PPARGC1B: variants seen among roughly 807,000 people sequenced by gnomAD.
PPARGC1B encodes the protein peroxisome proliferator-activated receptor gamma coactivator 1-beta.
In PPARGC1B, 34 loss-of-function variants were observed where a neutral mutation model predicts 101.6. That is an observed-to-expected ratio of 0.33 (90% CI 0.25 to 0.45). The LOEUF (loss-of-function observed/expected upper bound fraction) is 0.45, where lower values mean the gene tolerates loss of function less well. Ranked by LOEUF, PPARGC1B falls within the 20% of genes least tolerant of loss-of-function variation. The probability of loss-of-function intolerance (pLI) is 1.00; values close to 1 mark genes in which losing one functional copy is unlikely to be tolerated. For synonymous variants in PPARGC1B, 548 were observed against 539.3 expected (o/e 1.02, Z -0.22); for missense variants, 1,234 against 1,317.6 (o/e 0.94, Z 0.98).
At chr5:149,773,960 A>G (rs1756250743) in intron 1 of PPARGC1B, among the ~76,000 whole-genome samples, 1 of 152,212 alleles carries the variant, frequency 6.6e-6, no homozygotes, top group South Asian at 2.1e-4. Flanking sequence ...CTCTGTCCCC[A>G]GATGCATGGC....
chr5:149,846,153 C>G, intron 11 of PPARGC1B: 1 of 599,476 alleles, frequency 1.7e-6, no homozygotes, highest in Non-Finnish European at 3.0e-6. Context: ...AATCCAGCCT[C>G]CCACGGCCTC....
chr5:149,846,977 TG>T (rs1759589100), intron 11 of PPARGC1B: 1 of 205,216 alleles, frequency 4.9e-6, no homozygotes, highest in Non-Finnish European at 1.0e-5. Flanking sequence ...CCCAGCAACT[TG>T]GGAGGCTGAG....
chr5:149,746,835 A>G (rs781296392), intron 1 of PPARGC1B, among the ~76,000 whole-genome samples: 3 of 151,928 alleles, frequency 2.0e-5, no homozygotes, highest in Non-Finnish European at 2.9e-5. Flanking sequence ...TGTAGTTTTG[A>G]TTTGCATTTC....
At chr5:149,821,480 C>T (rs568431038) in intron 2 of PPARGC1B, among the ~76,000 whole-genome samples, 60 of 152,148 alleles carry the variant, frequency 3.9e-4, no homozygotes, top group Middle Eastern at 3.4e-3. Context: ...TTGGATTGGC[C>T]GTATTTAGCT....
At chr5:149,825,122 C>G (rs1381050634) in intron 2 of PPARGC1B, among the ~76,000 whole-genome samples, 1 of 152,232 alleles carries the variant, frequency 6.6e-6, no homozygotes. Context: ...AAATGAGGCG[C>G]TCGGTGCCTC....
At chr5:149,743,065 A>T (rs1754965682) in intron 1 of PPARGC1B, among the ~76,000 whole-genome samples, 1 of 152,042 alleles carries the variant, frequency 6.6e-6, no homozygotes, top group Non-Finnish European at 1.5e-5. Context: ...ACTGTGTGCC[A>T]GGTCTGTTCC....
At chr5:149,828,529 TA>T (rs1758617119) in intron 3 of PPARGC1B, among the ~76,000 whole-genome samples, 1 of 152,240 alleles carries the variant, frequency 6.6e-6, no homozygotes, top group South Asian at 2.1e-4. Context: ...CCATTAGTGG[TA>T]ACAAGCATTC....
In PPARGC1B at chr5:149,854,419, A is replaced by C. The variant is rs1260265984; in HGVS notation, c.*6861A>C. 6.6e-6 allele frequency: 1 copy of C among 151,786 alleles called. No individual in the cohort carries two copies. Among genetic ancestry groups the C allele is most frequent in the East Asian group, 1.9e-4 (1 of 5,168 alleles). The allele number at this position is 151,786 out of a possible 1,614,324, so 9.4% of individuals were successfully genotyped here. A position where few individuals can be genotyped will look rare whatever the true frequency, so the allele number is the denominator to read the frequency against. The stretch of plus-strand genomic sequence containing the variant: ...TGTGTGTGTGTGTGGAATTACATTG[A>C]TGCATTTATTGAGAAAGGTGCAAGA... On this transcript the variant is annotated 3_prime_UTR_variant, in exon 12 of 12. Transcript: ENST00000309241.
At chr5:149,732,254 AG>A (rs879506033) in intron 1 of PPARGC1B, among the ~76,000 whole-genome samples, 1 of 152,108 alleles carries the variant, frequency 6.6e-6, no homozygotes, top group Non-Finnish European at 1.5e-5. Flanking sequence ...TGAGTGCGGG[AG>A]GAGGGGCAGA....
chr5:149,830,346 G>A (rs1758729988), intron 3 of PPARGC1B, among the ~76,000 whole-genome samples: 1 of 151,884 alleles, frequency 6.6e-6, no homozygotes. Flanking sequence ...GGGGAAATCA[G>A]CTAGAATCCC....
At chr5:149,779,260 T>A (rs59873397) in intron 1 of PPARGC1B, among the ~76,000 whole-genome samples, 10,046 of 152,226 alleles carry the variant, frequency 0.066, 357 homozygotes, top group South Asian at 0.11. Context: ...AAGATGGGGA[T>A]GAGGCTTGTT....
chr5:149,807,774 C>G (rs550531332), intron 1 of PPARGC1B, among the ~76,000 whole-genome samples: 1 of 152,224 alleles, frequency 6.6e-6, no homozygotes, highest in East Asian at 1.9e-4. Context: ...TCCACAGCAA[C>G]TAGGAGGTTA....
At chr5:149,829,618 C>T (rs571088340) in intron 3 of PPARGC1B, among the ~76,000 whole-genome samples, 1 of 152,000 alleles carries the variant, frequency 6.6e-6, no homozygotes, top group African/African-American at 2.4e-5. Context: ...ACTTCCTGCT[C>T]TCTCAGCTCA....
In PPARGC1B at chr5:149,835,463, G is replaced by A. The variant is rs1030713841; in HGVS notation, c.1807+98G>A. ...ATGGGCAAGGTGCCACGCAATGAAC[G>A]ATGCGCAAGATGCCTGCCTTCACGG... On this transcript the variant is annotated intron_variant, in intron 7 of 11. Coordinates refer to ENST00000309241, the MANE Select transcript of PPARGC1B (RefSeq NM_133263.4). The A allele has an allele frequency of 8.7e-5, 88 of 1,012,002 alleles. No homozygotes were observed. The Admixed American group carries it at 1.4e-3, about 16-fold the overall frequency. The allele number at this position is 1,012,002 out of a possible 1,614,324, so 62.7% of individuals were successfully genotyped here.
chr5:149,737,823 G>A (rs1754780544), intron 1 of PPARGC1B, among the ~76,000 whole-genome samples: 2 of 152,030 alleles, frequency 1.3e-5, no homozygotes, highest in African/African-American at 2.4e-5. Context: ...ATGAAACCGC[G>A]TCTCTACTAA....
chr5:149,742,034 G>A (rs1373817304), intron 1 of PPARGC1B, among the ~76,000 whole-genome samples: 1 of 152,180 alleles, frequency 6.6e-6, no homozygotes, highest in East Asian at 1.9e-4. Context: ...GATGATGGTG[G>A]TGGTGGTGAT....
chr5:149,834,634 C>T (rs201722686), intron 5 of PPARGC1B, 40 bp from the exon 6 acceptor site: 177 of 1,593,436 alleles, frequency 1.1e-4, no homozygotes, highest in Non-Finnish European at 1.2e-4. Flanking sequence ...GCTAGTGATA[C>T]CATATTGGGG....
chr5:149,821,079 C>T (rs1051660696), intron 2 of PPARGC1B, among the ~76,000 whole-genome samples: 5 of 152,196 alleles, frequency 3.3e-5, no homozygotes, highest in South Asian at 2.1e-4. Flanking sequence ...CCTCCAGAGC[C>T]GGGACTTTAC....
At chr5:149,770,764 C>G (rs1163644257) in intron 1 of PPARGC1B, among the ~76,000 whole-genome samples, 1 of 150,092 alleles carries the variant, frequency 6.7e-6, no homozygotes, top group Non-Finnish European at 1.5e-5. Flanking sequence ...CCCAGGAGTT[C>G]GAGGCTTCAG....
Sources: gnomAD v4.1 joint callset for allele counts (sites outside exome capture counted in the v4.1 genomes callset) on GRCh38, gnomAD v4.1.1 for gene constraint, MANE v1.5 for transcripts, NCBI Gene and HGNC (gene_info 2026-07-23, HGNC 2026-07-21) for gene names.